FSTL5: variants seen among roughly 807,000 people sequenced by gnomAD.
FSTL5 encodes the protein follistatin like 5.
Under a neutral mutation model 89.1 loss-of-function variants are expected in FSTL5, and 62 were observed. The observed-to-expected ratio is 0.70, with a 90% CI of 0.57 to 0.86. The LOEUF (loss-of-function observed/expected upper bound fraction) is 0.86, where lower values mean the gene tolerates loss of function less well. Ranked by LOEUF, FSTL5 falls within the 40% of genes least tolerant of loss-of-function variation. The pLI is 0.00. For missense variants in FSTL5, 1,057 were observed against 1,001.6 expected (o/e 1.06, Z -0.75); for synonymous variants, 383 against 346.2 (o/e 1.11, Z -1.18).
intron 15 of FSTL5, among the ~76,000 whole-genome samples, chr4:161,451,251 T>C (rs1175330171): frequency 1.3e-5 from 2 of 152,194 alleles, no homozygotes; most frequent in Admixed American, 6.5e-5. Flanking sequence ...CTTGCTTAAG[T>C]TTAAATTTTT....
chr4:161,478,285 TAA>T (rs1377680799), intron 13 of FSTL5, among the ~76,000 whole-genome samples: 1 of 152,138 alleles, frequency 6.6e-6, no homozygotes, highest in Non-Finnish European at 1.5e-5. Context: ...AAATCATCAC[TAA>T]CACCAAATTA....
intron 7 of FSTL5, among the ~76,000 whole-genome samples, chr4:161,592,418 C>T (rs765656405): frequency 4.6e-5 from 7 of 151,974 alleles, no homozygotes; most frequent in African/African-American, 9.7e-5. Context: ...AATGCTATCC[C>T]TCCCCTAGCC....
rs113454226 is a variant in FSTL5 at position 162,047,840 on chromosome 4, C to T, written c.127-14182G>A. ...AACTCCATCTCAAAAACAAAAACAACAAAAGCAAACAACAACAACAAAAAA... is the reference window on the plus strand; with the variant it reads ...AACTCCATCTCAAAAACAAAAACAATAAAAGCAAACAACAACAACAAAAAA... On this transcript the variant is annotated intron_variant, in intron 2 of 15. Transcript: ENST00000306100. Among the ~76,000 whole-genome samples the T allele has an allele frequency of 2.3e-3, 355 of 151,978 alleles. 2 individuals are homozygous for T. Among genetic ancestry groups the T allele is most frequent in the African/African-American group, 7.8e-3 (322 of 41,478 alleles).
intron 8 of FSTL5, among the ~76,000 whole-genome samples, chr4:161,565,719 C>A (rs957829813): frequency 6.9e-5 from 10 of 145,396 alleles, no homozygotes; most frequent in Non-Finnish European, 3.0e-5. Context: ...TGATTTCCTT[C>A]TTGTGAACGT....
intron 2 of FSTL5, among the ~76,000 whole-genome samples, chr4:162,058,958 C>G (rs1211550674): frequency 6.6e-6 from 1 of 152,062 alleles, no homozygotes; most frequent in Non-Finnish European, 1.5e-5. Context: ...TGTGAATTCA[C>G]TAATTCTTTA....
chr4:161,658,674 G>A (rs1736603351), intron 6 of FSTL5, among the ~76,000 whole-genome samples: 1 of 152,194 alleles, frequency 6.6e-6, no homozygotes, highest in East Asian at 1.9e-4. Flanking sequence ...AACACTAAAA[G>A]TTGAAATCTG....
intron 10 of FSTL5, among the ~76,000 whole-genome samples, chr4:161,521,672 C>G (rs1325548036): frequency 6.6e-6 from 1 of 151,726 alleles, no homozygotes; most frequent in African/African-American, 2.4e-5. Flanking sequence ...CACGGTGAAA[C>G]CCCGTCTCTA....
At chr4:161,700,009 G>A (rs1479516359) in intron 6 of FSTL5, among the ~76,000 whole-genome samples, 15 of 152,124 alleles carry the variant, frequency 9.9e-5, no homozygotes, top group Non-Finnish European at 2.9e-5. Flanking sequence ...TCTAACAGCA[G>A]AGTCATTATC....
At chr4:161,475,007 G>A (rs1308956555) in intron 13 of FSTL5, among the ~76,000 whole-genome samples, 4 of 149,878 alleles carry the variant, frequency 2.7e-5, no homozygotes, top group Admixed American at 2.0e-4. Flanking sequence ...ATTTTTGTGG[G>A]ATATAGGATC....
chr4:161,799,492 CAA>C (rs1370707295), intron 4 of FSTL5, among the ~76,000 whole-genome samples: 1 of 151,528 alleles, frequency 6.6e-6, no homozygotes, highest in East Asian at 1.9e-4. Context: ...ATGCTAGAAG[CAA>C]AGAGATTTTT....
At chr4:161,778,476 G>T (rs1333139484) in intron 4 of FSTL5, among the ~76,000 whole-genome samples, 2 of 152,154 alleles carry the variant, frequency 1.3e-5, no homozygotes, top group Non-Finnish European at 1.5e-5. Context: ...GCATGGGGCT[G>T]CAAAACAATA....
intron 4 of FSTL5, among the ~76,000 whole-genome samples, chr4:161,779,639 AT>A (rs1352826987): frequency 6.6e-6 from 1 of 151,094 alleles, no homozygotes. Flanking sequence ...TCTCCCTTTT[AT>A]CCACTAACTT....
intron 4 of FSTL5, among the ~76,000 whole-genome samples, chr4:161,834,490 C>T (rs549973273): frequency 1.0e-3 from 155 of 150,936 alleles, no homozygotes; most frequent in Middle Eastern, 3.4e-3. Flanking sequence ...GGTATTCAAT[C>T]AGGAAAAGAG....
intron 3 of FSTL5, among the ~76,000 whole-genome samples, chr4:162,017,554 G>A (rs1736949388): frequency 6.6e-6 from 1 of 152,100 alleles, no homozygotes; most frequent in South Asian, 2.1e-4. Context: ...TTTAAAGCAG[G>A]CTAATTTTCA....
chr4:161,789,982 C>T (rs139264454), intron 4 of FSTL5, among the ~76,000 whole-genome samples: 40 of 152,120 alleles, frequency 2.6e-4, no homozygotes, highest in East Asian at 3.9e-4. Flanking sequence ...GCTCAGTAAC[C>T]GAATTAATTT....
Position 161,759,539 on chromosome 4 carries a change from G to T in FSTL5, c.607-8C>A. Reference sequence around the variant, plus strand: ...TTCTTCCTGTTTTATCACCTAACAAGAAAATTATAAACCATACCTTTAGAT... The same window carrying T: ...TTCTTCCTGTTTTATCACCTAACAATAAAATTATAAACCATACCTTTAGAT... On this transcript the variant is annotated splice_polypyrimidine_tract_variant and splice_region_variant and intron_variant, in intron 5 of 15. Coordinates refer to ENST00000306100, the MANE Select transcript of FSTL5 (RefSeq NM_020116.5). 1 of 1,509,962 alleles carries T rather than the reference G, an allele frequency of 6.6e-7. No individual in the cohort carries two copies. Among genetic ancestry groups the T allele is most frequent in the Non-Finnish European group, 8.9e-7 (1 of 1,120,132 alleles). 93.5% of individuals were successfully genotyped at this position (1,509,962 alleles called of 1,614,324 possible). A position where few individuals can be genotyped will look rare whatever the true frequency, so the allele number is the denominator to read the frequency against.
At chr4:162,104,952 A>G (rs1042680146) in intron 2 of FSTL5, among the ~76,000 whole-genome samples, 4 of 152,200 alleles carry the variant, frequency 2.6e-5, no homozygotes, top group Non-Finnish European at 4.4e-5. Context: ...TCATTATAAT[A>G]CAGAGTTCCT....
intron 1 of FSTL5, among the ~76,000 whole-genome samples, chr4:162,123,350 G>A (rs914118064): frequency 1.3e-5 from 2 of 152,118 alleles, no homozygotes; most frequent in African/African-American, 4.8e-5. Flanking sequence ...GAGAGTCTGA[G>A]AATAGTCCAC....
intron 10 of FSTL5, among the ~76,000 whole-genome samples, chr4:161,523,118 C>T (rs1230781766): frequency 6.6e-6 from 1 of 152,034 alleles, no homozygotes; most frequent in Admixed American, 6.5e-5. Flanking sequence ...GAGTTAATTT[C>T]TATAATAGCT....
Sources: gnomAD v4.1 joint callset for allele counts (sites outside exome capture counted in the v4.1 genomes callset) on GRCh38, gnomAD v4.1.1 for gene constraint, MANE v1.5 for transcripts, NCBI Gene and HGNC (gene_info 2026-07-23, HGNC 2026-07-21) for gene names.